CSGALNACT2: variants seen among roughly 807,000 people sequenced by gnomAD.
CSGALNACT2 encodes beta 4 GalNAcT-2.
Under a neutral mutation model 55.3 loss-of-function variants are expected in CSGALNACT2, and 35 were observed. That is an observed-to-expected ratio of 0.63 (90% CI 0.48 to 0.84). CSGALNACT2 has a LOEUF of 0.84. Ranked by LOEUF, CSGALNACT2 falls within the 40% of genes least tolerant of loss-of-function variation. CSGALNACT2 has a pLI of 0.00. For missense variants in CSGALNACT2, 544 were observed against 657.5 expected, an observed-to-expected ratio of 0.83 and a Z score of 1.89; for synonymous variants, 196 against 224.9, an observed-to-expected ratio of 0.87 and a Z score of 1.15.
chr10:43,160,273 A>G (rs1363479286), intron 3 of CSGALNACT2, among the ~76,000 whole-genome samples: 1 of 152,228 alleles, frequency 6.6e-6, no homozygotes, highest in African/African-American at 2.4e-5. Context: ...AATGTTTTGA[A>G]ATAATGGCAG....
chr10:43,181,741 G>T lies in CSGALNACT2; in HGVS notation c.1337-1509G>T, dbSNP rs1432658083. 4.0e-5 allele frequency among the ~76,000 whole-genome samples: 6 copies of T among 149,048 alleles called. No individual in the cohort carries two copies. In the East Asian group the frequency reaches 1.2e-3, roughly 29 times the overall value. Reference sequence around the variant, plus strand: ...TGCAGTGAGCTATGATTGCACCTCTGCACTCCAGCCTGGGCAACAGAGTGA... The same window carrying T: ...TGCAGTGAGCTATGATTGCACCTCTTCACTCCAGCCTGGGCAACAGAGTGA... On this transcript the variant is annotated intron_variant, in intron 7 of 7. Coordinates refer to ENST00000374466, the MANE Select transcript of CSGALNACT2 (RefSeq NM_018590.5).
intron 5 of CSGALNACT2, among the ~76,000 whole-genome samples, chr10:43,164,716 G>A (rs1839224007): frequency 6.6e-6 from 1 of 151,642 alleles, no homozygotes; most frequent in South Asian, 2.1e-4. Flanking sequence ...GCATGGTGGC[G>A]TACGCCTGTA....
chr10:43,162,756 GC>G, intron 4 of CSGALNACT2: 1 of 933,182 alleles, frequency 1.1e-6, no homozygotes, highest in South Asian at 4.9e-5. Context: ...AAATGTAGAG[GC>G]TTCTCTCCAG....
At chr10:43,180,876 G>A (rs1043587172) in intron 7 of CSGALNACT2, among the ~76,000 whole-genome samples, 3 of 152,174 alleles carry the variant, frequency 2.0e-5, no homozygotes, top group African/African-American at 7.2e-5. Context: ...ACTAGAAGGG[G>A]CTCTAGTTGG....
Position 43,183,234 on chromosome 10 carries a change from A to G in CSGALNACT2, c.1337-16A>G, listed in dbSNP as rs763497617. 1.9e-6 allele frequency: 3 copies of G among 1,600,456 alleles called. No individual in the cohort carries two copies. Among genetic ancestry groups the G allele is most frequent in the South Asian group, 2.2e-5 (2 of 90,792 alleles). On this transcript the variant is annotated splice_polypyrimidine_tract_variant and intron_variant, in intron 7 of 7. Coordinates refer to ENST00000374466, the MANE Select transcript of CSGALNACT2 (RefSeq NM_018590.5). ...ATAATAGGCAGTTATTTATAGTGTC[A>G]ATTTTGATCTTACAGGTGGATTTGA...
chr10:43,184,491 TATGC>T lies in CSGALNACT2; in HGVS notation c.*950_*953del, dbSNP rs1839657051. 4 of 152,228 alleles carry T rather than the reference TATGC, an allele frequency of 2.6e-5. No homozygotes were observed. The highest frequency in any genetic ancestry group is 9.6e-5 in the African/African-American group (4 of 41,468). The allele number at this position is 152,228 out of a possible 1,614,324, so 9.4% of individuals were successfully genotyped here. A position where few individuals can be genotyped will look rare whatever the true frequency, so the allele number is the denominator to read the frequency against. ...CTATCCTTTTTCTAATATATTAATA[TATGC>T]TACATTTGTATTTGCATTACTATAA... On this transcript the variant is annotated 3_prime_UTR_variant, in exon 8 of 8. Transcript: ENST00000374466.
rs187791233 is a variant in CSGALNACT2 at position 43,183,942 on chromosome 10, T to C, written c.*400T>C. Reference sequence around the variant, plus strand: ...TTCTTACAGAGGAGATGGAGCGTTATGAGCATAGTATGTGGATAGGTATCT... The same window carrying C: ...TTCTTACAGAGGAGATGGAGCGTTACGAGCATAGTATGTGGATAGGTATCT... On this transcript the variant is annotated 3_prime_UTR_variant, in exon 8 of 8. Transcript: ENST00000374466. 36 of 211,588 alleles carry C rather than the reference T, an allele frequency of 1.7e-4. No individual in the cohort carries two copies. Among genetic ancestry groups the C allele is most frequent in the Admixed American group, 1.7e-3 (32 of 19,148 alleles). The allele number at this position is 211,588 out of a possible 1,614,324, so 13.1% of individuals were successfully genotyped here. A position where few individuals can be genotyped will look rare whatever the true frequency, so the allele number is the denominator to read the frequency against.
intron 6 of CSGALNACT2, among the ~76,000 whole-genome samples, chr10:43,168,673 G>GACACACACACACAC (rs55776451): frequency 1.4e-5 from 2 of 148,018 alleles, no homozygotes; most frequent in African/African-American, 5.0e-5. Context: ...AGTACACACA[G>GACACACACACACAC]ACACACACAC....
intron 4 of CSGALNACT2, chr10:43,162,762 C>T: frequency 1.1e-6 from 1 of 925,256 alleles, no homozygotes; most frequent in Non-Finnish European, 1.3e-6. Context: ...AGAGGCTTCT[C>T]TCCAGCCCTA....
In CSGALNACT2 at chr10:43,164,045, G is replaced by A; in HGVS notation, c.1159+1G>A. The A allele has an allele frequency of 6.2e-7, 1 of 1,610,438 alleles. No individual in the cohort carries two copies. The highest frequency in any genetic ancestry group is 2.2e-5 in the East Asian group (1 of 44,774). ...AGCTGCCGGTTAAATGCTGAGCCAG[G>A]TGCGTAAAATGTTGGTAGATGAGCT... On this transcript the variant is annotated splice_donor_variant, in intron 5 of 7. Transcript: ENST00000374466. LOFTEE classifies it high-confidence loss of function.
intron 1 of CSGALNACT2, among the ~76,000 whole-genome samples, chr10:43,143,385 A>T (rs115900122): frequency 0.012 from 1,764 of 152,158 alleles, 40 homozygotes; most frequent in African/African-American, 0.039. Context: ...TATGTATGTG[A>T]CTTTATATAG....
At chr10:43,143,535 G>GTGTT in intron 1 of CSGALNACT2, among the ~76,000 whole-genome samples, 1 of 146,272 alleles carries the variant, frequency 6.8e-6, no homozygotes, top group Middle Eastern at 3.4e-3. Flanking sequence ...GTGTGTGTGT[G>GTGTT]TGGAATCATA....
Position 43,155,113 on chromosome 10 carries a change from A to G in CSGALNACT2, c.-37A>G. ...TTTTACTAAAGGTATGAACACACAA[A>G]GAGCTTATTTTGTTAGGCAAATACA... On this transcript the variant is annotated 5_prime_UTR_variant, in exon 2 of 8. Coordinates refer to ENST00000374466, the MANE Select transcript of CSGALNACT2 (RefSeq NM_018590.5). 1 of 1,515,890 alleles carries G rather than the reference A, an allele frequency of 6.6e-7. No individual in the cohort carries two copies. Among genetic ancestry groups the G allele is most frequent in the Non-Finnish European group, 9.1e-7 (1 of 1,104,398 alleles). The allele number at this position is 1,515,890 out of a possible 1,614,324, so 93.9% of individuals were successfully genotyped here.
At position 43,183,515 on chromosome 10, in the gene CSGALNACT2, C is replaced by T. The variant is rs772929277; in HGVS notation, c.1602C>T (p.Tyr534=). The change falls in exon 8 of 8, where the codon TAC becomes TAT. Residue 534 remains tyrosine (Y), a synonymous_variant. Transcript: ENST00000374466. ...EIETHLHKQA[Y]RTNSEAVG ...AGACGCATCTTCATAAACAGGCATA[C>T]AGGACAAACAGTGAAGCTGTTGGTT... 3.1e-6 allele frequency: 5 copies of T among 1,614,004 alleles called. No homozygotes were observed. Among genetic ancestry groups the T allele is most frequent in the East Asian group, 4.5e-5 (2 of 44,866 alleles).
At chr10:43,151,808 T>C (rs1242222620) in intron 1 of CSGALNACT2, among the ~76,000 whole-genome samples, 1 of 152,222 alleles carries the variant, frequency 6.6e-6, no homozygotes, top group Non-Finnish European at 1.5e-5. Context: ...GGCAGTAAGC[T>C]GGCAACCACT....
At chr10:43,162,727 T>G (rs1295868231) in intron 4 of CSGALNACT2, 19 of 973,980 alleles carry the variant, frequency 2.0e-5, no homozygotes, top group Non-Finnish European at 2.3e-5. Flanking sequence ...AGTGCCAGAG[T>G]CACCAGGAGG....
chr10:43,166,962 A>C (rs761343077), intron 5 of CSGALNACT2, 42 bp from the exon 6 acceptor site: 1 of 1,244,202 alleles, frequency 8.0e-7, no homozygotes. Flanking sequence ...ACAGTTCTTC[A>C]TAACTTCTTT....
chr10:43,153,861 T>G (rs1325381069), intron 1 of CSGALNACT2, among the ~76,000 whole-genome samples: 1 of 152,250 alleles, frequency 6.6e-6, no homozygotes, highest in Non-Finnish European at 1.5e-5. Context: ...TTTTCTCTGC[T>G]GATAAGGATG....
chr10:43,161,296 C>A (rs750235168), intron 4 of CSGALNACT2, among the ~76,000 whole-genome samples: 1 of 152,142 alleles, frequency 6.6e-6, no homozygotes, highest in African/African-American at 2.4e-5. Context: ...ACCAGTATTT[C>A]TGTCTTAAAA....
Sources: gnomAD v4.1 joint callset for allele counts (sites outside exome capture counted in the v4.1 genomes callset) on GRCh38, gnomAD v4.1.1 for gene constraint, MANE v1.5 for transcripts, NCBI Gene and HGNC (gene_info 2026-07-23, HGNC 2026-07-21) for gene names.